The following RGSL1 variants were observed in gnomAD, a reference collection of about 807,000 sequenced individuals.
The protein encoded by RGSL1 is regulator of G protein signaling protein-like.
In RGSL1, 97 loss-of-function variants were observed where a neutral mutation model predicts 124.7. The observed-to-expected ratio is 0.78, with a 90% CI of 0.66 to 0.92. The LOEUF (loss-of-function observed/expected upper bound fraction) is 0.92. RGSL1 is among the 40% of genes least tolerant of loss of function. The probability of loss-of-function intolerance (pLI) is 0.00; values close to 1 mark genes in which losing one functional copy is unlikely to be tolerated. For missense variants in RGSL1, 1,233 were observed against 1,288.4 expected (o/e 0.96, Z 0.66); for synonymous variants, 424 against 438.1 (o/e 0.97, Z 0.40).
intron 11 of RGSL1, 145 bp downstream of exon 11, chr1:182,527,917 G>C (rs940830054): frequency 1.7e-6 from 1 of 603,580 alleles, no homozygotes; most frequent in South Asian, 2.7e-5. Context: ...CAGATTAAGA[G>C]GGTAGGCAAA....
chr1:182,530,728 A>ACTGT, intron 12 of RGSL1, 62 bp from the exon 13 acceptor site: 7 of 1,461,472 alleles, frequency 4.8e-6, no homozygotes, highest in Non-Finnish European at 6.3e-6. Context: ...GTTTGCCTGG[A>ACTGT]CTGTCATCTT....
At chr1:182,466,374 A>C (rs1653332199) in intron 4 of RGSL1, among the ~76,000 whole-genome samples, 1 of 152,212 alleles carries the variant, frequency 6.6e-6, no homozygotes, top group African/African-American at 2.4e-5. Context: ...GAAAGAGGTC[A>C]AATGATCTTC....
intron 4 of RGSL1, among the ~76,000 whole-genome samples, chr1:182,463,295 A>AG (rs1653004362): frequency 6.9e-6 from 1 of 145,904 alleles, no homozygotes; most frequent in South Asian, 2.1e-4. Flanking sequence ...CTCCATCTCA[A>AG]AAAAAAAAAA....
At chr1:182,480,505 G>A (rs1209684763) in intron 6 of RGSL1, among the ~76,000 whole-genome samples, 1 of 151,484 alleles carries the variant, frequency 6.6e-6, no homozygotes, top group Non-Finnish European at 1.5e-5. Context: ...ACCCAGGCTG[G>A]AGTGCAGTGG....
At chr1:182,511,053 G>A (rs565007449) in intron 9 of RGSL1, among the ~76,000 whole-genome samples, 1 of 152,086 alleles carries the variant, frequency 6.6e-6, no homozygotes, top group South Asian at 2.1e-4. Flanking sequence ...TCATCTAATA[G>A]TTTTATAGTT....
intron 6 of RGSL1, among the ~76,000 whole-genome samples, chr1:182,482,364 A>G (rs984511746): frequency 6.6e-6 from 1 of 152,142 alleles, no homozygotes; most frequent in Non-Finnish European, 1.5e-5. Flanking sequence ...CATCAACAAA[A>G]TACTGGAAGT....
intron 10 of RGSL1, among the ~76,000 whole-genome samples, chr1:182,523,040 A>AAT (rs1553269367): frequency 6.7e-6 from 1 of 150,230 alleles, no homozygotes; most frequent in African/African-American, 2.5e-5. Context: ...TTTTTAATTA[A>AAT]TTTTTTTTTC....
intron 1 of RGSL1, among the ~76,000 whole-genome samples, chr1:182,450,794 C>G (rs1303719185): frequency 6.6e-6 from 1 of 152,194 alleles, no homozygotes; most frequent in Non-Finnish European, 1.5e-5. Flanking sequence ...CAGTAATATA[C>G]TCATTCAACA....
At chr1:182,465,663 G>A (rs1298905008) in intron 4 of RGSL1, among the ~76,000 whole-genome samples, 1 of 152,030 alleles carries the variant, frequency 6.6e-6, no homozygotes, top group African/African-American at 2.4e-5. Flanking sequence ...GATTAAAACA[G>A]TAATCTACAA....
chr1:182,532,842 A>G lies in RGSL1; in HGVS notation c.2494+51A>G, dbSNP rs1028163587. The G allele has an allele frequency of 2.6e-6, 4 of 1,519,898 alleles. No homozygotes were observed. In the African/African-American group the frequency reaches 4.2e-5, roughly 16 times the overall value. The allele number at this position is 1,519,898 out of a possible 1,614,324, so 94.2% of individuals were successfully genotyped here. ...ACTCCCTGTTGATATTTTAGCCATG[A>G]GGGTCAGCCCACATAAGAAGCTTAT... is the stretch of plus-strand genomic sequence containing the variant. On this transcript the variant is annotated intron_variant, in intron 14 of 21. Coordinates refer to ENST00000294854, the MANE Select transcript of RGSL1 (RefSeq NM_001137669.2).
intron 10 of RGSL1, among the ~76,000 whole-genome samples, 158 bp downstream of exon 10, chr1:182,522,267 A>G (rs1398272875): frequency 6.6e-6 from 1 of 152,194 alleles, no homozygotes; most frequent in Non-Finnish European, 1.5e-5. Flanking sequence ...ATTTTAAATC[A>G]TTTATTTTCT....
intron 2 of RGSL1, among the ~76,000 whole-genome samples, chr1:182,454,261 C>T (rs1214054492): frequency 6.6e-6 from 1 of 152,130 alleles, no homozygotes; most frequent in Non-Finnish European, 1.5e-5. Context: ...GATCCTAAAT[C>T]CCCAGCCTCC....
intron 4 of RGSL1, among the ~76,000 whole-genome samples, chr1:182,462,205 T>C (rs1031106412): frequency 2.6e-5 from 4 of 152,118 alleles, no homozygotes; most frequent in Non-Finnish European, 4.4e-5. Context: ...AGGCAGTAGG[T>C]TGATATATTC....
chr1:182,468,159 G>A (rs911696332), intron 4 of RGSL1, among the ~76,000 whole-genome samples: 3 of 152,084 alleles, frequency 2.0e-5, no homozygotes, highest in Non-Finnish European at 2.9e-5. Context: ...AACACTTTAC[G>A]CTGTTGGTGG....
At chr1:182,491,364 C>A (rs1457267028) in intron 8 of RGSL1, among the ~76,000 whole-genome samples, 1 of 151,972 alleles carries the variant, frequency 6.6e-6, no homozygotes, top group Admixed American at 6.6e-5. Flanking sequence ...TACAGGCACC[C>A]GCCACCATGC....
At chr1:182,487,399 A>C (rs183100003) in intron 6 of RGSL1, among the ~76,000 whole-genome samples, 33 of 152,254 alleles carry the variant, frequency 2.2e-4, no homozygotes, top group Admixed American at 2.2e-3. Context: ...TGGGCTCTTC[A>C]CATGAATGCC....
rs1660849957 is a variant in RGSL1 at position 182,556,119 on chromosome 1, C to G, written c.*62C>G. ...AGAGGCCTCCTAACACTGACAGAAACTTTTCTGGTCAAAAATGAAAGGTCC... is the reference window on the plus strand; with the variant it reads ...AGAGGCCTCCTAACACTGACAGAAAGTTTTCTGGTCAAAAATGAAAGGTCC... On this transcript the variant is annotated 3_prime_UTR_variant, in exon 21 of 22. Transcript: ENST00000294854. 4 of 1,466,890 alleles carry G rather than the reference C, an allele frequency of 2.7e-6. No individual in the cohort carries two copies. In the South Asian group the frequency reaches 5.1e-5, roughly 19 times the overall value. 90.9% of individuals were successfully genotyped at this position (1,466,890 alleles called of 1,614,324 possible). A position where few individuals can be genotyped will look rare whatever the true frequency, so the allele number is the denominator to read the frequency against.
At chr1:182,463,599 A>C (rs538849965) in intron 4 of RGSL1, among the ~76,000 whole-genome samples, 2 of 152,130 alleles carry the variant, frequency 1.3e-5, no homozygotes, top group Non-Finnish European at 2.9e-5. Flanking sequence ...TTTAAGTTTT[A>C]AAAAAAGTTT....
intron 15 of RGSL1, among the ~76,000 whole-genome samples, chr1:182,540,919 T>C (rs1458694050): frequency 2.0e-5 from 3 of 152,144 alleles, no homozygotes; most frequent in Non-Finnish European, 4.4e-5. Context: ...GGTCTGTAAA[T>C]TTTTCTTGTA....
Sources: gnomAD v4.1 joint callset for allele counts (sites outside exome capture counted in the v4.1 genomes callset) on GRCh38, gnomAD v4.1.1 for gene constraint, MANE v1.5 for transcripts, NCBI Gene and HGNC (gene_info 2026-07-23, HGNC 2026-07-21) for gene names.